The following CXXC5 variants were observed in gnomAD, a reference collection of about 807,000 sequenced individuals.
CXXC5 encodes CXXC-type zinc finger protein 5.
Under a neutral mutation model 17.6 loss-of-function variants are expected in CXXC5, and 2 were observed. That is an observed-to-expected ratio of 0.11 (90% CI 0.05 to 0.36). CXXC5 has a LOEUF of 0.36. CXXC5 is among the 10% of genes least tolerant of loss of function. CXXC5 has a pLI of 1.00. For missense variants in CXXC5, 343 were observed against 458.3 expected, an observed-to-expected ratio of 0.75 and a Z score of 2.30; for synonymous variants, 171 against 193.0, an observed-to-expected ratio of 0.89 and a Z score of 0.94.
chr5:139,655,257 G>A (rs1755424633), intron 1 of CXXC5, among the ~76,000 whole-genome samples: 4 of 152,142 alleles, frequency 2.6e-5, no homozygotes, highest in Admixed American at 2.6e-4. Flanking sequence ...TGGAGGTGGT[G>A]GAGAGACAGG....
intron 1 of CXXC5, among the ~76,000 whole-genome samples, chr5:139,667,356 CTG>C (rs767996508): frequency 1.8e-4 from 27 of 152,250 alleles, no homozygotes; most frequent in Non-Finnish European, 3.7e-4. Context: ...AAACCTTTCT[CTG>C]TGTGTCCCTA....
rs74857455 is a variant in CXXC5, at chr5:139,653,883, G to A, written c.-161+5038G>A. Among the ~76,000 whole-genome samples the A allele has an allele frequency of 1.5e-3, 229 of 152,262 alleles. 4 individuals carry two copies. The East Asian group carries it at 0.042, about 28-fold the overall frequency. On this transcript the variant is annotated intron_variant, in intron 1 of 2. Transcript: ENST00000302517. ...GGAGGGAGGGAGGGGATCCTGCCCC[G>A]CCTTCCACAGCACTAGGGGCTCTAG...
chr5:139,678,787 C>T (rs1757012784), intron 1 of CXXC5, among the ~76,000 whole-genome samples: 3 of 152,188 alleles, frequency 2.0e-5, no homozygotes, highest in South Asian at 4.1e-4. Context: ...AAGCCCAGGG[C>T]GTGATGGGGC....
rs567207455 is a variant in CXXC5 at position 139,658,604 on chromosome 5, C to G, written c.-161+9759C>G. ...ACAGGCACAGGAGGGGTCCTCTTGGCGGTGCCCGCCCGCCCGCTGCCCACG... is the reference window on the plus strand; with the variant it reads ...ACAGGCACAGGAGGGGTCCTCTTGGGGGTGCCCGCCCGCCCGCTGCCCACG... On this transcript the variant is annotated intron_variant, in intron 1 of 2. Coordinates refer to ENST00000302517, the MANE Select transcript of CXXC5 (RefSeq NM_016463.9). The surrounding 1 kb of genome is among the most constrained non-coding windows in gnomAD (Gnocchi z 4.1). Among the ~76,000 whole-genome samples the G allele has an allele frequency of 6.6e-6, 1 of 152,290 alleles. No individual in the cohort carries two copies. The highest frequency in any genetic ancestry group is 1.5e-5 in the Non-Finnish European group (1 of 68,010).
intron 1 of CXXC5, among the ~76,000 whole-genome samples, chr5:139,650,238 C>T (rs1363955677): frequency 2.0e-5 from 3 of 152,200 alleles, no homozygotes; most frequent in Admixed American, 2.0e-4. Context: ...GAAGGTTTGG[C>T]AACCGCGCCC....
intron 1 of CXXC5, among the ~76,000 whole-genome samples, chr5:139,660,587 G>A: frequency 6.6e-6 from 1 of 152,204 alleles, no homozygotes; most frequent in East Asian, 1.9e-4. Flanking sequence ...AGGGCCCAGA[G>A]CTGAGTAATG....
chr5:139,665,109 C>A (rs1387355857), intron 1 of CXXC5, among the ~76,000 whole-genome samples: 1 of 152,230 alleles, frequency 6.6e-6, no homozygotes, highest in East Asian at 1.9e-4. Context: ...CTTCAGAGCA[C>A]CCAGGCTGTC....
chr5:139,671,609 TGCTTCCTGCGGA>T (rs1756475654), intron 1 of CXXC5, among the ~76,000 whole-genome samples: 1 of 152,256 alleles, frequency 6.6e-6, no homozygotes, highest in South Asian at 2.1e-4. Flanking sequence ...CGTCCCGTTC[TGCTTCCTGCGGA>T]GGCTGCGGAA....
chr5:139,672,159 C>T (rs1418999646), intron 1 of CXXC5, among the ~76,000 whole-genome samples: 1 of 152,030 alleles, frequency 6.6e-6, no homozygotes, highest in Admixed American at 6.6e-5. Flanking sequence ...CTCTTGTTGC[C>T]CAGGCTGGAG....
intron 1 of CXXC5, among the ~76,000 whole-genome samples, chr5:139,664,845 G>C (rs1236531669): frequency 6.6e-6 from 1 of 152,160 alleles, no homozygotes; most frequent in Non-Finnish European, 1.5e-5. Flanking sequence ...CCACACCAGT[G>C]CCCCACTCAG....
chr5:139,659,223 G>C (rs1233454721), intron 1 of CXXC5, among the ~76,000 whole-genome samples: 1 of 152,156 alleles, frequency 6.6e-6, no homozygotes, highest in Non-Finnish European at 1.5e-5. Context: ...GACGGGTAGG[G>C]GTGTGACTTG....
rs975278907 is a variant in CXXC5, at chr5:139,683,725, C to T, written c.*818C>T. 6 of 152,576 alleles carry T rather than the reference C, an allele frequency of 3.9e-5. No individual in the cohort carries two copies. The highest frequency in any genetic ancestry group is 6.5e-5 in the Admixed American group (1 of 15,286). 9.5% of individuals were successfully genotyped at this position (152,576 alleles called of 1,614,324 possible). On this transcript the variant is annotated 3_prime_UTR_variant, in exon 3 of 3. Transcript: ENST00000302517. ...GGCAACAGAAGAAAGGGCTTCTTTG[C>T]GTGGTCCCCTGCTGGTGGGGGTGGG...
intron 1 of CXXC5, among the ~76,000 whole-genome samples, chr5:139,671,440 C>A (rs905423266): frequency 6.6e-6 from 1 of 152,234 alleles, no homozygotes; most frequent in African/African-American, 2.4e-5. Flanking sequence ...GGGAGAGGAG[C>A]TAGATGGAGG....
chr5:139,664,479 T>G (rs1755989085), intron 1 of CXXC5, among the ~76,000 whole-genome samples: 1 of 152,166 alleles, frequency 6.6e-6, no homozygotes, highest in Admixed American at 6.5e-5. Context: ...GTGTGTCACT[T>G]AGCACCAGGC....
Position 139,648,492 on chromosome 5 carries a change from C to T in CXXC5, c.-514C>T, listed in dbSNP as rs1282933335. 6.5e-6 allele frequency: 1 copy of T among 152,724 alleles called. No homozygotes were observed. Among genetic ancestry groups the T allele is most frequent in the Non-Finnish European group, 1.5e-5 (1 of 68,442 alleles). 9.5% of individuals were successfully genotyped at this position (152,724 alleles called of 1,614,324 possible). A position where few individuals can be genotyped will look rare whatever the true frequency, so the allele number is the denominator to read the frequency against. On this transcript the variant is annotated 5_prime_UTR_variant, in exon 1 of 3. Transcript: ENST00000302517. ...CTGAAGCCGGGCCCCGCGTCCCAGCCCTGCCCAGCCCGCGCCCAGCCATGC... is the reference window on the plus strand; with the variant it reads ...CTGAAGCCGGGCCCCGCGTCCCAGCTCTGCCCAGCCCGCGCCCAGCCATGC...
At chr5:139,674,449 G>A (rs1014313465) in intron 1 of CXXC5, among the ~76,000 whole-genome samples, 1 of 152,170 alleles carries the variant, frequency 6.6e-6, no homozygotes, top group Non-Finnish European at 1.5e-5. Flanking sequence ...GGAAAGTGGT[G>A]CATTGAGCCA....
At position 139,670,469 on chromosome 5, in the gene CXXC5, T is replaced by C. The variant is rs1267851355; in HGVS notation, c.-160-9895T>C. On this transcript the variant is annotated intron_variant, in intron 1 of 2. Coordinates refer to ENST00000302517, the MANE Select transcript of CXXC5 (RefSeq NM_016463.9). This position sits in a 1 kb window ranked among gnomAD's most constrained non-coding sequence, Gnocchi z 4.2. ...ACCTGTGGGCAGCTTCCTGTTTCCA[T>C]AGGGGCCCTAGCAGCTGGCACCAGT... Among the ~76,000 whole-genome samples, 1 of 152,128 alleles carries C rather than the reference T, an allele frequency of 6.6e-6. No individual in the cohort carries two copies.
At chr5:139,674,962 TC>T (rs1444707805) in intron 1 of CXXC5, among the ~76,000 whole-genome samples, 1 of 152,236 alleles carries the variant, frequency 6.6e-6, no homozygotes, top group African/African-American at 2.4e-5. Flanking sequence ...CATGCCTTTG[TC>T]CCCTCTCATT....
intron 1 of CXXC5, among the ~76,000 whole-genome samples, chr5:139,657,400 C>A (rs550899380): frequency 6.6e-6 from 1 of 152,328 alleles, no homozygotes; most frequent in African/African-American, 2.4e-5. Context: ...TTTGAGGCCC[C>A]CATAACCCTT....
Sources: gnomAD v4.1 joint callset for allele counts (sites outside exome capture counted in the v4.1 genomes callset) on GRCh38, gnomAD v4.1.1 for gene constraint, Gnocchi (gnomAD v3.1) non-coding constraint, MANE v1.5 for transcripts, NCBI Gene and HGNC (gene_info 2026-07-23, HGNC 2026-07-21) for gene names.